Variants in PLCB1 observed in about 807,000 individuals in gnomAD.
PLCB1 encodes phospholipase C beta 1, also known as 1-phosphatidylinositol 4,5-bisphosphate phosphodiesterase beta-1.
In PLCB1, 46 loss-of-function variants were observed where a neutral mutation model predicts 161.8. The ratio of observed to expected loss-of-function variants is 0.28; its 90% confidence interval spans 0.22 to 0.36. PLCB1 has a LOEUF of 0.36. Among genes scored for constraint, PLCB1 ranks in the 10% least tolerant of loss-of-function variants. PLCB1 has a pLI of 1.00. For missense variants in PLCB1, 1,016 were observed against 1,472.5 expected (o/e 0.69, Z 5.07); for synonymous variants, 517 against 503.7 (o/e 1.03, Z -0.35).
chr20:8,409,741 G>T (rs1978958921), intron 3 of PLCB1, among the ~76,000 whole-genome samples: 1 of 152,096 alleles, frequency 6.6e-6, no homozygotes, highest in African/African-American at 2.4e-5. Flanking sequence ...GAGATTACAG[G>T]CATGAGCCAC....
chr20:8,742,800 A>G (rs1488258782), intron 23 of PLCB1, among the ~76,000 whole-genome samples: 1 of 152,196 alleles, frequency 6.6e-6, no homozygotes, highest in Non-Finnish European at 1.5e-5. Flanking sequence ...GATATTTGCA[A>G]TGCTGCACTA....
At chr20:8,507,760 C>T (rs1434524386) in intron 3 of PLCB1, among the ~76,000 whole-genome samples, 1 of 150,696 alleles carries the variant, frequency 6.6e-6, no homozygotes, top group Non-Finnish European at 1.5e-5. Flanking sequence ...GTTAATGCAA[C>T]AATTATAAAG....
chr20:8,427,555 T>C (rs2796810), intron 3 of PLCB1, among the ~76,000 whole-genome samples: 66,689 of 152,004 alleles, frequency 0.44, 14,975 homozygotes, highest in Non-Finnish European at 0.48. Flanking sequence ...CAGTAACAAA[T>C]CATTTGCAGC....
rs183533706 is a variant in PLCB1, at chr20:8,176,490, C to T, written c.177+26119C>T. 2.0e-5 allele frequency among the ~76,000 whole-genome samples: 3 copies of T among 152,238 alleles called. No individual in the cohort carries two copies. The East Asian group carries it at 5.8e-4, about 29-fold the overall frequency. ...GTAAAGTGTTAGGCACAGGCGTAGG[C>T]AGGGAGGGAGGCTGCTGTAGTTATA... On this transcript the variant is annotated intron_variant, in intron 2 of 31. Coordinates refer to ENST00000338037, the MANE Select transcript of PLCB1 (RefSeq NM_015192.4).
At position 8,630,000 on chromosome 20, in the gene PLCB1, TTCTTTC is replaced by T. The variant is rs1247086705; in HGVS notation, c.384+1571_384+1576del. Among the ~76,000 whole-genome samples, 4 of 108,126 alleles carry T rather than the reference TTCTTTC, an allele frequency of 3.7e-5. No individual in the cohort carries two copies. The East Asian group carries it at 1.1e-3, about 29-fold the overall frequency. 70.9% of individuals were successfully genotyped at this position (108,126 alleles called of 152,430 possible). On this transcript the variant is annotated intron_variant, in intron 4 of 31. Transcript: ENST00000338037. ...TTTCTTTCTTTCTTTCTTTCTTTCT[TTCTTTC>T]TTTCTCTTTCTTCTTTCCTTTCTTT... is the stretch of plus-strand genomic sequence containing the variant.
At chr20:8,331,413 G>T (rs1459039704) in intron 2 of PLCB1, among the ~76,000 whole-genome samples, 1 of 151,884 alleles carries the variant, frequency 6.6e-6, no homozygotes, top group Admixed American at 6.6e-5. Context: ...ACATATTGAG[G>T]TTTCTTTGTT....
chr20:8,814,907 A>G (rs181973286), intron 31 of PLCB1, among the ~76,000 whole-genome samples: 59 of 152,350 alleles, frequency 3.9e-4, no homozygotes, highest in Admixed American at 1.9e-3. Context: ...GAGTAGGGCC[A>G]GGCCAGAAAT....
At chr20:8,400,606 G>T (rs1040166281) in intron 3 of PLCB1, among the ~76,000 whole-genome samples, 1 of 151,856 alleles carries the variant, frequency 6.6e-6, no homozygotes, top group Non-Finnish European at 1.5e-5. Context: ...TCTTGTTTTC[G>T]TTTCCCAGAA....
intron 14 of PLCB1, among the ~76,000 whole-genome samples, chr20:8,721,679 A>C (rs1303931350): frequency 6.6e-6 from 1 of 152,206 alleles, no homozygotes; most frequent in African/African-American, 2.4e-5. Context: ...ATTTTCTACG[A>C]TATGCACTTC....
chr20:8,481,849 G>A (rs1982510083), intron 3 of PLCB1, among the ~76,000 whole-genome samples: 1 of 151,870 alleles, frequency 6.6e-6, no homozygotes, highest in African/African-American at 2.4e-5. Flanking sequence ...GATGTTTTCT[G>A]TGAGTCATGA....
intron 2 of PLCB1, among the ~76,000 whole-genome samples, chr20:8,358,880 C>T (rs1018930327): frequency 6.6e-6 from 1 of 152,192 alleles, no homozygotes; most frequent in Non-Finnish European, 1.5e-5. Context: ...TTCTCACCAA[C>T]ATATTGCAAT....
chr20:8,491,355 G>C (rs1285657953), intron 3 of PLCB1, among the ~76,000 whole-genome samples: 2 of 151,896 alleles, frequency 1.3e-5, no homozygotes, highest in African/African-American at 4.8e-5. Context: ...TGATCTATGA[G>C]TTTAAATTTA....
At chr20:8,750,585 G>A (rs916226345) in intron 23 of PLCB1, among the ~76,000 whole-genome samples, 5 of 152,152 alleles carry the variant, frequency 3.3e-5, no homozygotes, top group African/African-American at 1.2e-4. Flanking sequence ...GCAAACATCA[G>A]TATACTTCAC....
intron 9 of PLCB1, among the ~76,000 whole-genome samples, chr20:8,675,109 A>G (rs1372057746): frequency 2.6e-5 from 4 of 152,194 alleles, no homozygotes; most frequent in East Asian, 1.9e-4. Context: ...TCAAGTATCA[A>G]CATATCTGAT....
At chr20:8,772,996 G>A (rs113992466) in intron 26 of PLCB1, among the ~76,000 whole-genome samples, 3 of 152,306 alleles carry the variant, frequency 2.0e-5, no homozygotes, top group Non-Finnish European at 4.4e-5. Flanking sequence ...CAAGAGGAAA[G>A]TTTCCCTCAA....
intron 3 of PLCB1, among the ~76,000 whole-genome samples, chr20:8,573,843 CA>C (rs1326154388): frequency 1.3e-5 from 2 of 152,086 alleles, no homozygotes; most frequent in African/African-American, 4.8e-5. Context: ...CAAATGAAAA[CA>C]GAACAAAAGG....
intron 1 of PLCB1, among the ~76,000 whole-genome samples, chr20:8,142,788 G>A (rs1299539370): frequency 1.3e-5 from 2 of 152,182 alleles, no homozygotes; most frequent in Non-Finnish European, 2.9e-5. Context: ...TTCTAAATCT[G>A]ATTTATAATG....
intron 3 of PLCB1, among the ~76,000 whole-genome samples, chr20:8,429,342 C>A (rs1300909871): frequency 1.3e-5 from 2 of 152,062 alleles, no homozygotes; most frequent in African/African-American, 4.8e-5. Flanking sequence ...CCTGGTAGAC[C>A]TTTTGAACAA....
At chr20:8,235,041 C>A (rs1446793198) in intron 2 of PLCB1, among the ~76,000 whole-genome samples, 3 of 152,012 alleles carry the variant, frequency 2.0e-5, no homozygotes, top group Admixed American at 6.6e-5. Flanking sequence ...TCAAAGATAA[C>A]AACAGAGCAC....
Sources: allele counts gnomAD v4.1 joint callset (sites outside exome capture counted in the v4.1 genomes callset), GRCh38; gene constraint gnomAD v4.1.1; transcripts MANE v1.5; gene names NCBI Gene and HGNC (gene_info 2026-07-23, HGNC 2026-07-21).